BBS9: variants seen among roughly 807,000 people sequenced by gnomAD.
The protein encoded by BBS9 is Bardet-Biedl syndrome 9.
In BBS9, 89 loss-of-function variants were observed where a neutral mutation model predicts 117.7. The ratio of observed to expected loss-of-function variants is 0.76; its 90% CI spans 0.64 to 0.90. The LOEUF (loss-of-function observed/expected upper bound fraction) is 0.90, where lower values mean the gene tolerates loss of function less well. BBS9 is among the 40% of genes least tolerant of loss of function. The probability of loss-of-function intolerance (pLI) is 0.00; values close to 1 mark genes in which losing one functional copy is unlikely to be tolerated. For synonymous variants in BBS9, 379 were observed against 370.9 expected, an observed-to-expected ratio of 1.02 and a Z score of -0.25; for missense variants, 982 against 1,042.2, an observed-to-expected ratio of 0.94 and a Z score of 0.80.
chr7:33,364,980 C>T (rs1034099709), intron 16 of BBS9, among the ~76,000 whole-genome samples: 4 of 151,832 alleles, frequency 2.6e-5, no homozygotes, highest in Non-Finnish European at 4.4e-5. Context: ...GTGCCTGCCT[C>T]GGCCTCCCAG....
chr7:33,148,010 T>A (rs1792690312), intron 2 of BBS9, among the ~76,000 whole-genome samples: 1 of 152,216 alleles, frequency 6.6e-6, no homozygotes, highest in Non-Finnish European at 1.5e-5. Context: ...GCTATAAGAT[T>A]GTATTCTCCA....
intron 19 of BBS9, among the ~76,000 whole-genome samples, chr7:33,415,194 A>G (rs1479420920): frequency 6.6e-6 from 1 of 152,192 alleles, no homozygotes; most frequent in African/African-American, 2.4e-5. Context: ...TAGAGTCACA[A>G]TCTGAAGTAA....
intron 5 of BBS9, among the ~76,000 whole-genome samples, chr7:33,234,677 C>T (rs1793139883): frequency 6.6e-6 from 1 of 151,170 alleles, no homozygotes; most frequent in African/African-American, 2.4e-5. Context: ...ATCTTTTTAT[C>T]TATCTCCATC....
At chr7:33,159,899 C>G (rs1794603322) in intron 4 of BBS9, among the ~76,000 whole-genome samples, 1 of 152,126 alleles carries the variant, frequency 6.6e-6, no homozygotes. Flanking sequence ...CCCCATGAAC[C>G]AAACCAACTA....
chr7:33,476,809 G>T (rs894439788), intron 19 of BBS9, among the ~76,000 whole-genome samples: 1 of 152,166 alleles, frequency 6.6e-6, no homozygotes, highest in Non-Finnish European at 1.5e-5. Context: ...TTTCTATCTT[G>T]TTAAGAGATG....
intron 9 of BBS9, among the ~76,000 whole-genome samples, chr7:33,286,824 C>T (rs1052831434): frequency 6.6e-6 from 1 of 151,530 alleles, no homozygotes; most frequent in Non-Finnish European, 1.5e-5. Flanking sequence ...CTTTGGAGTG[C>T]AAAAATCTGA....
chr7:33,496,077 G>A (rs975931953), intron 19 of BBS9, among the ~76,000 whole-genome samples: 3 of 152,210 alleles, frequency 2.0e-5, no homozygotes, highest in East Asian at 3.9e-4. Flanking sequence ...TTAGTGTTTC[G>A]AAGGATCAGG....
chr7:33,523,253 A>T (rs1585115709), intron 20 of BBS9, among the ~76,000 whole-genome samples: 1 of 147,618 alleles, frequency 6.8e-6, no homozygotes, highest in African/African-American at 2.6e-5. Context: ...TTGCATATGA[A>T]CTTTAAAGTA....
At chr7:33,581,377 G>T (rs1859886529) in intron 21 of BBS9, among the ~76,000 whole-genome samples, 2 of 152,030 alleles carry the variant, frequency 1.3e-5, no homozygotes, top group South Asian at 2.1e-4. Flanking sequence ...CCATATTCTT[G>T]TACATAAAAA....
intron 9 of BBS9, among the ~76,000 whole-genome samples, chr7:33,334,309 A>G (rs1373766046): frequency 6.6e-6 from 1 of 152,212 alleles, no homozygotes; most frequent in Non-Finnish European, 1.5e-5. Flanking sequence ...GCTTTTCTGT[A>G]TGATGGACTG....
intron 21 of BBS9, among the ~76,000 whole-genome samples, chr7:33,585,801 G>T (rs1421171250): frequency 6.6e-6 from 1 of 151,818 alleles, no homozygotes; most frequent in Admixed American, 6.6e-5. Context: ...TTCCTGCCTT[G>T]TACATTCGTA....
chr7:33,140,553 T>G (rs1791293258), intron 1 of BBS9, among the ~76,000 whole-genome samples: 1 of 152,196 alleles, frequency 6.6e-6, no homozygotes, highest in Non-Finnish European at 1.5e-5. Context: ...TGCTCTGAGC[T>G]GCAAGTGAAT....
chr7:33,375,178 G>T (rs191998941), intron 17 of BBS9, among the ~76,000 whole-genome samples: 30 of 152,182 alleles, frequency 2.0e-4, no homozygotes, highest in Admixed American at 1.4e-3. Context: ...TATGGAAATT[G>T]TCTAGGCTTT....
At chr7:33,175,577 T>C (rs992896919) in intron 4 of BBS9, among the ~76,000 whole-genome samples, 4 of 152,120 alleles carry the variant, frequency 2.6e-5, no homozygotes, top group Non-Finnish European at 5.9e-5. Context: ...GGACAGACAA[T>C]GCAAGTGAGG....
chr7:33,306,605 T>C (rs953774405), intron 9 of BBS9, among the ~76,000 whole-genome samples: 1 of 152,132 alleles, frequency 6.6e-6, no homozygotes, highest in African/African-American at 2.4e-5. Flanking sequence ...TGAATTGATA[T>C]TGTATGATGG....
intron 19 of BBS9, among the ~76,000 whole-genome samples, chr7:33,403,905 T>G (rs1348379649): frequency 1.3e-5 from 2 of 152,296 alleles, no homozygotes; most frequent in Admixed American, 6.5e-5. Flanking sequence ...ACTTCCACAG[T>G]GGTTGAACTA....
intron 9 of BBS9, among the ~76,000 whole-genome samples, chr7:33,303,621 T>C (rs1024356916): frequency 7.0e-6 from 1 of 142,666 alleles, no homozygotes; most frequent in Non-Finnish European, 1.5e-5. Flanking sequence ...CGGGCTCCCA[T>C]GATTCACCTG....
intron 19 of BBS9, among the ~76,000 whole-genome samples, chr7:33,469,591 G>A (rs1840684859): frequency 6.6e-6 from 1 of 152,130 alleles, no homozygotes; most frequent in South Asian, 2.1e-4. Flanking sequence ...GACGAAGTGG[G>A]AAAATATCTG....
At chr7:33,598,730 A>T (rs1208752555) in intron 21 of BBS9, among the ~76,000 whole-genome samples, 4 of 152,208 alleles carry the variant, frequency 2.6e-5, no homozygotes, top group East Asian at 3.9e-4. Flanking sequence ...TTGGGCAAAA[A>T]CTATGCTTTC....
Sources: allele counts gnomAD v4.1 joint callset (sites outside exome capture counted in the v4.1 genomes callset), GRCh38; gene constraint gnomAD v4.1.1; transcripts MANE v1.5; gene names NCBI Gene and HGNC (gene_info 2026-07-23, HGNC 2026-07-21).